Variants in SPOCK1 observed in about 807,000 individuals in gnomAD.
The protein encoded by SPOCK1 is SPARC (osteonectin), cwcv and kazal like domains proteoglycan 1.
SPOCK1 carries 23 observed loss-of-function variants against 55.3 expected under a neutral mutation model. That is an observed-to-expected ratio of 0.42 (90% CI 0.30 to 0.59). SPOCK1 has a LOEUF of 0.59. SPOCK1 is among the 20% of genes least tolerant of loss of function. The pLI is 0.22. For synonymous variants in SPOCK1, 226 were observed against 221.0 expected (o/e 1.02, Z -0.20); for missense variants, 499 against 552.5 (o/e 0.90, Z 0.97).
chr5:137,443,980 C>G (rs569318447), intron 2 of SPOCK1, among the ~76,000 whole-genome samples: 1 of 152,088 alleles, frequency 6.6e-6, no homozygotes, highest in Admixed American at 6.6e-5. Context: ...AGAGGGACAC[C>G]GTTCATCATT....
At chr5:137,160,825 G>A (rs530088528) in intron 3 of SPOCK1, among the ~76,000 whole-genome samples, 2 of 142,904 alleles carry the variant, frequency 1.4e-5, no homozygotes, top group East Asian at 4.0e-4. Context: ...ATTCCTAAAA[G>A]AGCTAAAAAT....
intron 2 of SPOCK1, among the ~76,000 whole-genome samples, chr5:137,446,651 T>C (rs560478659): frequency 1.3e-5 from 2 of 152,192 alleles, no homozygotes; most frequent in Non-Finnish European, 2.9e-5. Context: ...ATGATTCTTT[T>C]TATTGTGATT....
At chr5:137,176,351 C>T (rs1052885829) in intron 3 of SPOCK1, among the ~76,000 whole-genome samples, 1 of 152,144 alleles carries the variant, frequency 6.6e-6, no homozygotes. Flanking sequence ...GGGGGTGGTG[C>T]CATGAGTTGG....
chr5:137,159,849 A>T (rs551990397), intron 3 of SPOCK1, among the ~76,000 whole-genome samples: 1 of 152,178 alleles, frequency 6.6e-6, no homozygotes, highest in Admixed American at 6.5e-5. Flanking sequence ...CCTCCACTGA[A>T]GTCTTGAGTC....
intron 6 of SPOCK1, among the ~76,000 whole-genome samples, chr5:137,036,135 G>A (rs772716706): frequency 4.6e-5 from 7 of 152,200 alleles, no homozygotes; most frequent in Non-Finnish European, 7.3e-5. Flanking sequence ...GGGTTAAAGG[G>A]TAGTGCATCT....
At chr5:137,203,035 T>C (rs1755454494) in intron 3 of SPOCK1, among the ~76,000 whole-genome samples, 1 of 152,210 alleles carries the variant, frequency 6.6e-6, no homozygotes, top group Non-Finnish European at 1.5e-5. Context: ...AAGGTTTGGG[T>C]TATTCTAACA....
In SPOCK1 at chr5:137,090,070, G is replaced by A. The variant is rs868054776; in HGVS notation, c.475-22241C>T. On this transcript the variant is annotated intron_variant, in intron 5 of 10. Transcript: ENST00000394945. ...TTTGGTTGGGACTACATGGAGATAC[G>A]GAATCAACTTGGAGATGGCCCATCA... Among the ~76,000 whole-genome samples, 6 of 152,228 alleles carry A rather than the reference G, an allele frequency of 3.9e-5. No homozygotes were observed. In the Middle Eastern group the frequency reaches 0.014, roughly 345 times the overall value.
At chr5:137,386,306 C>G (rs1000285811) in intron 2 of SPOCK1, among the ~76,000 whole-genome samples, 1 of 152,184 alleles carries the variant, frequency 6.6e-6, no homozygotes, top group Non-Finnish European at 1.5e-5. Flanking sequence ...CCAACTTGAT[C>G]TGGAGATTTA....
At chr5:137,356,828 TATATATATATAGAG>T (rs1242350863) in intron 2 of SPOCK1, among the ~76,000 whole-genome samples, 27 of 14,912 alleles carry the variant, frequency 1.8e-3, no homozygotes, top group South Asian at 7.7e-3. Flanking sequence ...TATATATATA[TATATATATATAGAG>T]AGAGAGAGAG....
intron 3 of SPOCK1, among the ~76,000 whole-genome samples, chr5:137,226,385 G>A (rs769333025): frequency 1.7e-4 from 26 of 152,284 alleles, no homozygotes; most frequent in South Asian, 6.2e-4. Context: ...TCCTTGCCCC[G>A]AGGGGTGAAG....
intron 2 of SPOCK1, among the ~76,000 whole-genome samples, chr5:137,356,836 T>TAGAGAGAGAGAG (rs1352078666): frequency 2.8e-3 from 25 of 8,776 alleles, no homozygotes; most frequent in Non-Finnish European, 3.7e-3. Flanking sequence ...TATATATATA[T>TAGAGAGAGAGAG]ATAGAGAGAG....
intron 2 of SPOCK1, among the ~76,000 whole-genome samples, chr5:137,465,436 A>G (rs561738924): frequency 1.3e-5 from 2 of 152,254 alleles, no homozygotes; most frequent in South Asian, 4.2e-4. Context: ...ATTAAGACTA[A>G]TATATAAGCT....
chr5:137,294,993 C>T (rs1757450838), intron 2 of SPOCK1, among the ~76,000 whole-genome samples: 2 of 152,276 alleles, frequency 1.3e-5, no homozygotes, highest in South Asian at 2.1e-4. Flanking sequence ...TGCCCTTCTC[C>T]CTTTATTTTT....
At chr5:137,200,093 G>A (rs1755397897) in intron 3 of SPOCK1, among the ~76,000 whole-genome samples, 1 of 152,174 alleles carries the variant, frequency 6.6e-6, no homozygotes, top group African/African-American at 2.4e-5. Context: ...GTGATCCCAT[G>A]ATATCACTCA....
At chr5:137,443,756 C>T (rs568876223) in intron 2 of SPOCK1, among the ~76,000 whole-genome samples, 48 of 152,296 alleles carry the variant, frequency 3.2e-4, no homozygotes, top group African/African-American at 9.4e-4. Flanking sequence ...TATCTTACCC[C>T]GTTGTATTAC....
intron 2 of SPOCK1, among the ~76,000 whole-genome samples, chr5:137,491,076 C>CT (rs1754165548): frequency 6.6e-6 from 1 of 152,224 alleles, no homozygotes; most frequent in African/African-American, 2.4e-5. Context: ...CAAGTACCTA[C>CT]TCTGTGCCAC....
intron 2 of SPOCK1, among the ~76,000 whole-genome samples, chr5:137,351,736 C>T (rs188776715): frequency 1.1e-3 from 166 of 152,318 alleles, no homozygotes; most frequent in South Asian, 3.5e-3. Context: ...ATGTCACCAC[C>T]TTTCATGCAT....
intron 2 of SPOCK1, among the ~76,000 whole-genome samples, chr5:137,388,113 G>C (rs1339131540): frequency 6.6e-6 from 1 of 152,174 alleles, no homozygotes; most frequent in African/African-American, 2.4e-5. Flanking sequence ...AATAGGAACA[G>C]TTATACCAAA....
chr5:137,094,011 C>G (rs776371653), intron 5 of SPOCK1, among the ~76,000 whole-genome samples: 2 of 152,156 alleles, frequency 1.3e-5, no homozygotes, highest in African/African-American at 4.8e-5. Context: ...CCCTGGGGCT[C>G]TCACCAGTGT....
Sources: gnomAD v4.1 joint callset for allele counts (sites outside exome capture counted in the v4.1 genomes callset) on GRCh38, gnomAD v4.1.1 for gene constraint, MANE v1.5 for transcripts, NCBI Gene and HGNC (gene_info 2026-07-23, HGNC 2026-07-21) for gene names.